The following MKNK2 variants were observed in gnomAD, a reference collection of about 807,000 sequenced individuals.
MKNK2 encodes the protein MAP kinase-interacting serine/threonine-protein kinase 2.
In MKNK2, 54 loss-of-function variants were observed where a neutral mutation model predicts 55.0. The ratio of observed to expected loss-of-function variants is 0.98; its 90% CI spans 0.79 to 1.23. The LOEUF is 1.23. MKNK2 is among the 50% of genes most tolerant of loss of function. The pLI, the probability that MKNK2 is intolerant of heterozygous loss-of-function variation, is 0.00. For synonymous variants in MKNK2, 323 were observed against 256.0 expected (o/e 1.26, Z -2.50); for missense variants, 685 against 632.1 (o/e 1.08, Z -0.90).
In MKNK2 at chr19:2,046,595, GC is replaced by G; in HGVS notation, c.139+8del. On this transcript the variant is annotated splice_region_variant and intron_variant, in intron 3 of 13. Coordinates refer to ENST00000250896, the MANE Select transcript of MKNK2 (RefSeq NM_199054.3). ...TGCCCTGTGCCCTCCTCCCCCTCGG[GC>G]CCCTCACCAGGGCGGGCTGAGCACT... is the stretch of plus-strand genomic sequence containing the variant. 1 of 1,562,242 alleles carries G rather than the reference GC, an allele frequency of 6.4e-7. No homozygotes were observed.
In MKNK2 at chr19:2,037,808, G is replaced by A; in HGVS notation, c.*1805C>T. ...CGTGGATGCGACAGGGGTGGGGAGG[G>A]AGGAGGAAGTGACTGTCCCACCTTC... On this transcript the variant is annotated 3_prime_UTR_variant, in exon 14 of 14. Transcript: ENST00000250896. 1.9e-6 allele frequency: 3 copies of A among 1,602,866 alleles called. No homozygotes were observed. The African/African-American group carries it at 4.1e-5, about 22-fold the overall frequency.
intron 2 of MKNK2, among the ~76,000 whole-genome samples, chr19:2,047,903 C>T (rs906986623): frequency 5.9e-5 from 9 of 152,130 alleles, no homozygotes; most frequent in Non-Finnish European, 1.0e-4. Flanking sequence ...CGCAGCTGCC[C>T]GGCACACCTT....
intron 2 of MKNK2, among the ~76,000 whole-genome samples, chr19:2,050,193 C>G (rs542962854): frequency 6.6e-6 from 1 of 152,218 alleles, no homozygotes; most frequent in Non-Finnish European, 1.5e-5. Context: ...AGAAACTTCC[C>G]GCTCCGACAG....
rs1242314047 is a variant in MKNK2 at position 2,039,825 on chromosome 19, C to T, written c.1186G>A (p.Ala396Thr). ...NSCAKDLTSF[A>T]AEAIAMNRQL... ...CGGTTCATGGCAATGGCCTCAGCCGCGAAGGACGTGAGGTCTTTGGCACAG... is the reference window on the plus strand; with the variant it reads ...CGGTTCATGGCAATGGCCTCAGCCGTGAAGGACGTGAGGTCTTTGGCACAG... The change falls in exon 14 of 14, where the codon GCG becomes ACG. Residue 396 changes from alanine to threonine, a missense_variant. By Grantham distance (58) the Ala-to-Thr change is moderately conservative. Coordinates refer to ENST00000250896, the MANE Select transcript of MKNK2 (RefSeq NM_199054.3). The T allele has an allele frequency of 4.4e-6, 7 of 1,601,956 alleles. No homozygotes were observed. Among genetic ancestry groups the T allele is most frequent in the East Asian group, 2.2e-5 (1 of 44,790 alleles).
intron 2 of MKNK2, 66 bp from the exon 3 acceptor site, chr19:2,046,757 C>G: frequency 7.6e-7 from 1 of 1,320,568 alleles, no homozygotes; most frequent in South Asian, 1.5e-5. Flanking sequence ...GGAGACCTAT[C>G]CTGCCCCAGT....
chr19:2,039,110 G>T lies in MKNK2; in HGVS notation c.*503C>A. 1.0e-6 allele frequency: 1 copy of T among 987,974 alleles called. No homozygotes were observed. The highest frequency in any genetic ancestry group is 1.2e-6 in the Non-Finnish European group (1 of 831,334). 61.2% of individuals were successfully genotyped at this position (987,974 alleles called of 1,614,324 possible). A position where few individuals can be genotyped will look rare whatever the true frequency, so the allele number is the denominator to read the frequency against. ...CCCTTCCCCAACCAAGCCACCAGGG[G>T]TGCTCTCAGGGTGAGGGATAGAGGG... is the stretch of plus-strand genomic sequence containing the variant. On this transcript the variant is annotated 3_prime_UTR_variant, in exon 14 of 14. Transcript: ENST00000250896.
chr19:2,043,608 C>A (rs1264699664), intron 5 of MKNK2, 26 bp from the exon 6 acceptor site: 1 of 1,610,810 alleles, frequency 6.2e-7, no homozygotes, highest in Non-Finnish European at 8.5e-7. Context: ...GGACACAGCA[C>A]CTGGGTTGGT....
intron 2 of MKNK2, among the ~76,000 whole-genome samples, chr19:2,050,072 C>T (rs574156898): frequency 6.6e-6 from 1 of 152,128 alleles, no homozygotes; most frequent in Non-Finnish European, 1.5e-5. Context: ...ATCACTGCGT[C>T]CCCTGGGCCA....
chr19:2,041,261 A>G, intron 11 of MKNK2, 57 bp from the exon 12 acceptor site: 1 of 1,555,146 alleles, frequency 6.4e-7, no homozygotes, highest in Non-Finnish European at 8.7e-7. Context: ...GATACTGTGC[A>G]CTGACACGTG....
intron 10 of MKNK2, 53 bp downstream of exon 10, chr19:2,042,374 A>G: frequency 6.7e-7 from 1 of 1,487,478 alleles, no homozygotes; most frequent in Non-Finnish European, 9.2e-7. Context: ...CCGCGAGGTT[A>G]TGCAACCGCA....
chr19:2,043,975 C>CAAA (rs34533507), intron 5 of MKNK2, among the ~76,000 whole-genome samples: 4 of 23,844 alleles, frequency 1.7e-4, no homozygotes, highest in Non-Finnish European at 1.6e-4. Flanking sequence ...GACTTCGCCT[C>CAAA]AAAAAAAAAA....
rs1391201839 is a variant in MKNK2 at position 2,038,971 on chromosome 19, C to T, written c.*642G>A. ...GGGCCTTGCAGGAAGCCCCGATTGT[C>T]AACTATCATGGGGACAAGGCAGGCG... On this transcript the variant is annotated 3_prime_UTR_variant, in exon 14 of 14. Transcript: ENST00000250896. 1.0e-6 allele frequency: 1 copy of T among 984,496 alleles called. No individual in the cohort carries two copies. Among genetic ancestry groups the T allele is most frequent in the Admixed American group, 6.2e-5 (1 of 16,194 alleles). 61.0% of individuals were successfully genotyped at this position (984,496 alleles called of 1,614,324 possible). A position where few individuals can be genotyped will look rare whatever the true frequency, so the allele number is the denominator to read the frequency against.
Position 2,038,167 on chromosome 19 carries a change from G to A in MKNK2, c.*1446C>T. The A allele has an allele frequency of 9.7e-7, 1 of 1,029,680 alleles. No homozygotes were observed. Among genetic ancestry groups the A allele is most frequent in the African/African-American group, 1.7e-5 (1 of 58,108 alleles). 63.8% of individuals were successfully genotyped at this position (1,029,680 alleles called of 1,614,324 possible). The stretch of plus-strand genomic sequence containing the variant: ...GAGGGGCAGCAGGGCCAGGCAGACG[G>A]TCTCCGAGGCCCCCACCCCCAGGCC... On this transcript the variant is annotated 3_prime_UTR_variant, in exon 14 of 14. Transcript: ENST00000250896.
At position 2,039,269 on chromosome 19, in the gene MKNK2, TGGC is replaced by T. The variant is rs762560276; in HGVS notation, c.*341_*343del. The stretch of plus-strand genomic sequence containing the variant: ...AGTCACTGCAAGCCACGTGGGCAGA[TGGC>T]GGGCAGCACAGGTGACCTGGGGGCA... On this transcript the variant is annotated 3_prime_UTR_variant, in exon 14 of 14. Transcript: ENST00000250896. The T allele has an allele frequency of 5.0e-4, 578 of 1,148,258 alleles. 1 individual carries two copies. The highest frequency in any genetic ancestry group is 5.8e-4 in the Non-Finnish European group (540 of 929,794). The allele number at this position is 1,148,258 out of a possible 1,614,324, so 71.1% of individuals were successfully genotyped here.
rs1162119030 is a variant in MKNK2, at chr19:2,038,238, C to T, written c.*1375G>A. 2.1e-5 allele frequency: 21 copies of T among 990,214 alleles called. No individual in the cohort carries two copies. In the South Asian group the frequency reaches 2.8e-4, roughly 13 times the overall value. 61.3% of individuals were successfully genotyped at this position (990,214 alleles called of 1,614,324 possible). On this transcript the variant is annotated 3_prime_UTR_variant, in exon 14 of 14. Coordinates refer to ENST00000250896, the MANE Select transcript of MKNK2 (RefSeq NM_199054.3). ...TCAAGAACAGGGAAGCAAAGTCCATCGATGTGTTGTTTTTTTTTAAGGAAA... is the reference window on the plus strand; with the variant it reads ...TCAAGAACAGGGAAGCAAAGTCCATTGATGTGTTGTTTTTTTTTAAGGAAA...
chr19:2,042,909 C>T lies in MKNK2; in HGVS notation c.494-39G>A, dbSNP rs1438904461. 3 of 1,533,290 alleles carry T rather than the reference C, an allele frequency of 2.0e-6. No individual in the cohort carries two copies. In the East Asian group the frequency reaches 7.2e-5, roughly 37 times the overall value. 95.0% of individuals were successfully genotyped at this position (1,533,290 alleles called of 1,614,324 possible). A position where few individuals can be genotyped will look rare whatever the true frequency, so the allele number is the denominator to read the frequency against. On this transcript the variant is annotated intron_variant, in intron 7 of 13. Transcript: ENST00000250896. ...GGCAGGGCAGGACAGGGGGAACACGCAGGTCACCTCAAAGTCCCCTCAAGG... is the reference window on the plus strand; with the variant it reads ...GGCAGGGCAGGACAGGGGGAACACGTAGGTCACCTCAAAGTCCCCTCAAGG...
At position 2,039,717 on chromosome 19, in the gene MKNK2, G is replaced by A. The variant is rs777836076; in HGVS notation, c.1294C>T (p.Arg432Cys). 6.2e-6 allele frequency: 10 copies of A among 1,612,010 alleles called. No individual in the cohort carries two copies. Among genetic ancestry groups the A allele is most frequent in the Admixed American group, 5.0e-5 (3 of 60,008 alleles). Residue 432 changes from arginine (R) to cysteine (C), a missense_variant, in exon 14 of 14, where the codon CGC becomes TGC. By Grantham distance (180) the Arg-to-Cys change is radical (BLOSUM62 -3). Transcript: ENST00000250896. ...GAGGGTGGAGACAGCTGCAGGCAGCGTGAGGTAGCTCGGACCAGGACGGGC... is the reference window on the plus strand; with the variant it reads ...GAGGGTGGAGACAGCTGCAGGCAGCATGAGGTAGCTCGGACCAGGACGGGC... Reference protein sequence around the residue: ...GQPVLVRATSRCLQLSPPSQS... With the variant: ...GQPVLVRATSCCLQLSPPSQS...
intron 12 of MKNK2, 164 bp from the exon 13 acceptor site, chr19:2,040,341 G>C: frequency 3.3e-6 from 2 of 607,814 alleles, no homozygotes; most frequent in Non-Finnish European, 5.6e-6. Context: ...CCCACCCCGA[G>C]GTCCCTATGG....
Position 2,046,676 on chromosome 19 carries a change from C to A in MKNK2, c.67G>T (p.Glu23Ter). 1 of 1,533,798 alleles carries A rather than the reference C, an allele frequency of 6.5e-7. No homozygotes were observed. The highest frequency in any genetic ancestry group is 8.8e-7 in the Non-Finnish European group (1 of 1,140,984). ...GGCTGGTCTAGGGAGAAGGCCAGCT[C>A]GAAGGGGTTCTGCCCCTGCAGGGGA... ...HRSFKGQNPFELAFSLDQPDH... is the reference protein window; with the variant it reads ...HRSFKGQNPF The change falls in exon 3 of 14, where the codon GAG becomes TAG. Residue 23 changes from glutamate to a stop codon, truncating the protein, a stop_gained. Transcript: ENST00000250896. LOFTEE classifies it high-confidence loss of function.
Sources: gnomAD v4.1 joint callset for allele counts (sites outside exome capture counted in the v4.1 genomes callset) on GRCh38, gnomAD v4.1.1 for gene constraint, MANE v1.5 for transcripts, NCBI Gene and HGNC (gene_info 2026-07-23, HGNC 2026-07-21) for gene names.